Variants in CPQ observed in about 807,000 individuals in gnomAD.
CPQ encodes the protein Ser-Met dipeptidase.
In CPQ, 37 loss-of-function variants were observed where a neutral mutation model predicts 45.7. The observed-to-expected ratio is 0.81, with a 90% CI of 0.62 to 1.07. The LOEUF (loss-of-function observed/expected upper bound fraction) is 1.07. CPQ is among the 50% of genes least tolerant of loss of function. The probability of loss-of-function intolerance (pLI) is 0.00; values close to 1 mark genes in which losing one functional copy is unlikely to be tolerated. For synonymous variants in CPQ, 186 were observed against 205.8 expected (o/e 0.90, Z 0.82); for missense variants, 537 against 572.9 (o/e 0.94, Z 0.64).
intron 1 of CPQ, among the ~76,000 whole-genome samples, chr8:96,780,689 T>A (rs1810674042): frequency 6.6e-6 from 1 of 151,916 alleles, no homozygotes. Flanking sequence ...TTCTTTTCTT[T>A]TCTTTCTTTC....
At chr8:96,966,902 C>A (rs992357187) in intron 5 of CPQ, among the ~76,000 whole-genome samples, 3 of 152,174 alleles carry the variant, frequency 2.0e-5, no homozygotes, top group African/African-American at 7.2e-5. Flanking sequence ...GTCCCCTGTT[C>A]TTAAGACTCT....
chr8:97,077,835 T>C (rs1347139606), intron 7 of CPQ, among the ~76,000 whole-genome samples: 1 of 152,200 alleles, frequency 6.6e-6, no homozygotes, highest in Middle Eastern at 3.2e-3. Flanking sequence ...AATTTCAGTA[T>C]ATTCTGAATG....
chr8:96,648,160 A>C (rs954245909), intron 1 of CPQ, among the ~76,000 whole-genome samples: 14 of 152,192 alleles, frequency 9.2e-5, no homozygotes, highest in African/African-American at 3.4e-4. Context: ...TCGTCAGCCA[A>C]GTTTAGCCCC....
chr8:96,856,379 G>T (rs781530702), intron 3 of CPQ, among the ~76,000 whole-genome samples: 4 of 152,166 alleles, frequency 2.6e-5, no homozygotes, highest in Admixed American at 1.3e-4. Context: ...CTGATGGTTT[G>T]GATATAAGGG....
intron 5 of CPQ, among the ~76,000 whole-genome samples, chr8:96,968,918 G>A (rs1271990331): frequency 6.6e-6 from 1 of 152,180 alleles, no homozygotes; most frequent in African/African-American, 2.4e-5. Context: ...GCTGTGAAGC[G>A]TCGTTGAATA....
At chr8:96,729,050 G>T (rs1018891344) in intron 1 of CPQ, among the ~76,000 whole-genome samples, 1 of 152,180 alleles carries the variant, frequency 6.6e-6, no homozygotes, top group Non-Finnish European at 1.5e-5. Flanking sequence ...TATGTAGGGA[G>T]AAGATTTGCA....
chr8:97,021,558 A>G (rs538502253), intron 5 of CPQ, among the ~76,000 whole-genome samples: 1 of 152,294 alleles, frequency 6.6e-6, no homozygotes, highest in Admixed American at 6.5e-5. Context: ...TCTTCTATAT[A>G]CCAATAGTGA....
At chr8:97,066,656 A>C (rs1268589248) in intron 7 of CPQ, among the ~76,000 whole-genome samples, 1 of 152,128 alleles carries the variant, frequency 6.6e-6, no homozygotes, top group African/African-American at 2.4e-5. Context: ...CCCTATTAAA[A>C]CACTGTGGTA....
At chr8:96,786,177 C>T (rs1373011124) in intron 2 of CPQ, among the ~76,000 whole-genome samples, 4 of 152,106 alleles carry the variant, frequency 2.6e-5, no homozygotes, top group Admixed American at 2.0e-4. Context: ...CTGTCATTCT[C>T]CAGTCTACCT....
In CPQ at chr8:96,896,384, C is replaced by G. The variant is rs547503196; in HGVS notation, c.849+16379C>G. ...CTACAAGATGATATACTGGTCATAC[C>G]TTTTCCTGCCTATTTTCTAGAGTCT... On this transcript the variant is annotated intron_variant, in intron 4 of 7. Coordinates refer to ENST00000220763, the MANE Select transcript of CPQ (RefSeq NM_016134.4). 3.9e-5 allele frequency among the ~76,000 whole-genome samples: 6 copies of G among 152,160 alleles called. No individual in the cohort carries two copies. The East Asian group carries it at 1.2e-3, about 29-fold the overall frequency.
chr8:96,832,857 C>G (rs1415512668), intron 2 of CPQ, among the ~76,000 whole-genome samples: 1 of 152,022 alleles, frequency 6.6e-6, no homozygotes, highest in Admixed American at 6.6e-5. Context: ...GGGATGCTGC[C>G]TGGGGCAGAT....
intron 7 of CPQ, among the ~76,000 whole-genome samples, chr8:97,067,336 A>T (rs1810656918): frequency 6.6e-6 from 1 of 152,208 alleles, no homozygotes; most frequent in Non-Finnish European, 1.5e-5. Flanking sequence ...TGCTTCCTCA[A>T]CACCATTATA....
At position 96,746,906 on chromosome 8, in the gene CPQ, C is replaced by T. The variant is rs1299803863; in HGVS notation, c.-34-37958C>T. Among the ~76,000 whole-genome samples, 7 of 152,268 alleles carry T rather than the reference C, an allele frequency of 4.6e-5. No homozygotes were observed. In the East Asian group the frequency reaches 1.4e-3, roughly 29 times the overall value. On this transcript the variant is annotated intron_variant, in intron 1 of 7. Transcript: ENST00000220763. Reference sequence around the variant, plus strand: ...CTTTCAGCTCCACAGCTCTACTAGCCAAATGTGCGTTCCAAAATATTTCCC... The same window carrying T: ...CTTTCAGCTCCACAGCTCTACTAGCTAAATGTGCGTTCCAAAATATTTCCC...
At chr8:96,908,880 G>T (rs1392245393) in intron 4 of CPQ, among the ~76,000 whole-genome samples, 1 of 151,960 alleles carries the variant, frequency 6.6e-6, no homozygotes, top group Non-Finnish European at 1.5e-5. Flanking sequence ...CATTCCCATA[G>T]GATTCTGGAA....
At chr8:96,917,293 A>T (rs1459115903) in intron 4 of CPQ, among the ~76,000 whole-genome samples, 5 of 152,144 alleles carry the variant, frequency 3.3e-5, no homozygotes, top group Non-Finnish European at 7.4e-5. Flanking sequence ...ATTAATGTAG[A>T]TACATGAATA....
intron 4 of CPQ, among the ~76,000 whole-genome samples, chr8:96,905,429 T>C (rs1019474070): frequency 2.6e-5 from 4 of 152,142 alleles, no homozygotes; most frequent in Admixed American, 1.3e-4. Flanking sequence ...GGAAAGTGGA[T>C]GGCTTAAGAA....
chr8:96,828,279 G>A (rs1811403338), intron 2 of CPQ, among the ~76,000 whole-genome samples: 1 of 152,018 alleles, frequency 6.6e-6, no homozygotes, highest in African/African-American at 2.4e-5. Context: ...AACTGTGAAT[G>A]TGAATTTGTC....
intron 4 of CPQ, among the ~76,000 whole-genome samples, chr8:96,927,858 C>G (rs541584411): frequency 1.3e-5 from 2 of 152,298 alleles, no homozygotes; most frequent in South Asian, 2.1e-4. Context: ...TCTAATACAC[C>G]AAGCCCTGAG....
chr8:96,709,068 A>G (rs890746673), intron 1 of CPQ, among the ~76,000 whole-genome samples: 1 of 152,006 alleles, frequency 6.6e-6, no homozygotes, highest in South Asian at 2.1e-4. Context: ...ATTGTTCTTT[A>G]TGTATGTTCA....
Sources: allele counts gnomAD v4.1 joint callset (sites outside exome capture counted in the v4.1 genomes callset), GRCh38; gene constraint gnomAD v4.1.1; transcripts MANE v1.5; gene names NCBI Gene and HGNC (gene_info 2026-07-23, HGNC 2026-07-21).